The following ARVCF variants were observed in gnomAD, a reference collection of about 807,000 sequenced individuals.
ARVCF encodes splicing regulator ARVCF.
ARVCF carries 66 observed loss-of-function variants against 90.9 expected under a neutral mutation model. That is an observed-to-expected ratio of 0.73 (90% CI 0.60 to 0.89). ARVCF has a LOEUF of 0.89. Among genes scored for constraint, ARVCF ranks in the 40% least tolerant of loss-of-function variants. ARVCF has a pLI of 0.00. For missense variants in ARVCF, 1,469 were observed against 1,382.3 expected (o/e 1.06, Z -1.00); for synonymous variants, 653 against 603.4 (o/e 1.08, Z -1.21).
intron 2 of ARVCF, among the ~76,000 whole-genome samples, chr22:19,992,981 G>A (rs949820980): frequency 3.3e-5 from 5 of 152,180 alleles, no homozygotes; most frequent in Admixed American, 2.0e-4. Flanking sequence ...TCTCATTGCC[G>A]AACTTGGCTT....
At chr22:19,968,583 G>C, downstream of ARVCF, 1 of 1,614,096 alleles carries the variant, frequency 6.2e-7, no homozygotes, top group East Asian at 2.2e-5. Flanking sequence ...CTGACAACGT[G>C]ATCTGCCCAG....
chr22:20,009,825 C>T (rs1378239206), intron 2 of ARVCF, among the ~76,000 whole-genome samples: 1 of 152,242 alleles, frequency 6.6e-6, no homozygotes, highest in Non-Finnish European at 1.5e-5. Context: ...ACACCTGAGG[C>T]CACGGGCCAG....
downstream of ARVCF, chr22:19,968,891 A>C (rs1601549710): frequency 1.5e-6 from 1 of 668,810 alleles, no homozygotes; most frequent in Non-Finnish European, 2.7e-6. Flanking sequence ...ACCTCTCTGA[A>C]CTGCAACACT....
At chr22:19,968,754 C>A (rs199743418), downstream of ARVCF, 11 of 1,601,128 alleles carry the variant, frequency 6.9e-6, no homozygotes, top group African/African-American at 8.0e-5. Flanking sequence ...CCCGGCCCCC[C>A]TCTCGGGCTC....
intron 2 of ARVCF, among the ~76,000 whole-genome samples, chr22:19,991,837 AC>A (rs1372854204): frequency 6.6e-6 from 1 of 152,258 alleles, no homozygotes; most frequent in African/African-American, 2.4e-5. Context: ...ACGAGGCCAC[AC>A]TGCCCGGAGC....
chr22:20,011,743 T>C (rs1029973625), intron 1 of ARVCF, among the ~76,000 whole-genome samples: 7 of 152,224 alleles, frequency 4.6e-5, no homozygotes, highest in African/African-American at 1.7e-4. Flanking sequence ...ATGCTGCTCC[T>C]ACTCCAAGGT....
downstream of ARVCF, chr22:19,968,778 G>C: frequency 1.3e-6 from 2 of 1,576,224 alleles, no homozygotes; most frequent in Non-Finnish European, 1.7e-6. Context: ...CACCCAGCCT[G>C]GTACTGAAGG....
chr22:19,972,288 C>T (rs901519595), intron 17 of ARVCF, 70 bp downstream of exon 17: 24 of 1,601,788 alleles, frequency 1.5e-5, no homozygotes, highest in African/African-American at 2.7e-5. Context: ...CCCCATAAAA[C>T]CAGCAGGCCC....
At chr22:19,966,367 C>A (rs1445570908), downstream of ARVCF, among the ~76,000 whole-genome samples, 1 of 151,178 alleles carries the variant, frequency 6.6e-6, no homozygotes, top group Non-Finnish European at 1.5e-5. Context: ...TTTGAGGAGG[C>A]CTCTCCACCG....
intron 2 of ARVCF, among the ~76,000 whole-genome samples, chr22:19,992,028 G>C (rs1944047058): frequency 1.3e-5 from 2 of 152,262 alleles, no homozygotes; most frequent in Non-Finnish European, 2.9e-5. Flanking sequence ...CACTGGTCTG[G>C]ATGGAGCCAG....
chr22:19,969,863 T>C (rs1942646702), downstream of ARVCF: 1 of 985,474 alleles, frequency 1.0e-6, no homozygotes, highest in Non-Finnish European at 1.2e-6. Context: ...AGCCAGCCAC[T>C]TGTGCCAGAC....
intron 2 of ARVCF, 87 bp downstream of exon 2, chr22:20,010,368 C>T (rs550282188): frequency 6.6e-6 from 1 of 152,544 alleles, no homozygotes; most frequent in South Asian, 2.1e-4. Flanking sequence ...CAGTCCATCC[C>T]TGTCACCCCC....
chr22:19,996,123 G>C (rs1601650400), intron 2 of ARVCF, among the ~76,000 whole-genome samples: 1 of 152,198 alleles, frequency 6.6e-6, no homozygotes, highest in African/African-American at 2.4e-5. Flanking sequence ...CCAGAGCCGG[G>C]GGCCTGGGGT....
In ARVCF at chr22:19,981,961, T is replaced by C; in HGVS notation, c.341A>G (p.Asp114Gly). The change falls in exon 4 of 20, where the codon GAT becomes GGT. Residue 114 changes from aspartate to glycine, a missense_variant. By Grantham distance (94) the Asp-to-Gly change is moderately conservative. Transcript: ENST00000263207. ...TSHVSIVTSE[D>G]GTTRRTETKV... ...GGTCTCGGTGCGCCGGGTTGTGCCA[T>C]CTTCGGATGTGACAATAGACACATG... is the stretch of plus-strand genomic sequence containing the variant. The C allele has an allele frequency of 6.2e-7, 1 of 1,603,106 alleles. No homozygotes were observed. Among genetic ancestry groups the C allele is most frequent in the Non-Finnish European group, 8.5e-7 (1 of 1,175,430 alleles).
intron 18 of ARVCF, 110 bp from the exon 19 acceptor site, chr22:19,971,445 C>T: frequency 1.5e-6 from 2 of 1,307,802 alleles, no homozygotes; most frequent in Non-Finnish European, 2.1e-6. Context: ...GTTGGCCTGC[C>T]AGGACAGCAC....
chr22:20,015,338 G>A (rs1248486915), intron 1 of ARVCF, among the ~76,000 whole-genome samples: 2 of 152,178 alleles, frequency 1.3e-5, no homozygotes, highest in Non-Finnish European at 2.9e-5. Context: ...CAAGACTGGG[G>A]GAAATGCCTT....
intron 2 of ARVCF, among the ~76,000 whole-genome samples, chr22:19,999,077 C>T (rs746916699): frequency 5.9e-5 from 9 of 152,136 alleles, no homozygotes; most frequent in Non-Finnish European, 1.2e-4. Flanking sequence ...ATGGCTGTCC[C>T]ATCCATGCTA....
At chr22:19,968,747 G>C (rs138327309), downstream of ARVCF, 35 of 1,348,110 alleles carry the variant, frequency 2.6e-5, no homozygotes, top group East Asian at 1.7e-4. Flanking sequence ...CTGCCCCCCC[G>C]GCCCCCCTCT....
intron 2 of ARVCF, among the ~76,000 whole-genome samples, chr22:20,001,789 T>C (rs745389843): frequency 6.6e-6 from 1 of 151,148 alleles, no homozygotes; most frequent in Admixed American, 6.6e-5. Flanking sequence ...CAAAACTTCA[T>C]CTCAAAAAAA....
Sources: allele counts gnomAD v4.1 joint callset (sites outside exome capture counted in the v4.1 genomes callset), GRCh38; gene constraint gnomAD v4.1.1; transcripts MANE v1.5; gene names NCBI Gene and HGNC (gene_info 2026-07-23, HGNC 2026-07-21).